Variants in PEBP4 observed in about 807,000 individuals in gnomAD.
PEBP4 encodes phosphatidylethanolamine binding protein 4, also known as phosphatidylethanolamine-binding protein 4.
Under a neutral mutation model 23.9 loss-of-function variants are expected in PEBP4, and 22 were observed. The observed-to-expected ratio is 0.92, with a 90% CI of 0.66 to 1.31. The LOEUF (loss-of-function observed/expected upper bound fraction) is 1.31. PEBP4 is among the 40% of genes most tolerant of loss of function. PEBP4 has a pLI of 0.00. For synonymous variants in PEBP4, 112 were observed against 99.3 expected (o/e 1.13, Z -0.76); for missense variants, 324 against 281.7 (o/e 1.15, Z -1.07).
At chr8:22,803,499 T>C (rs1056741316) in intron 4 of PEBP4, among the ~76,000 whole-genome samples, 1 of 151,922 alleles carries the variant, frequency 6.6e-6, no homozygotes, top group African/African-American at 2.4e-5. Flanking sequence ...GCCCCATCTC[T>C]ACTAAAAATG....
At chr8:22,714,836 C>A (rs1412418466) in intron 6 of PEBP4, among the ~76,000 whole-genome samples, 1 of 152,118 alleles carries the variant, frequency 6.6e-6, no homozygotes, top group Non-Finnish European at 1.5e-5. Context: ...CCAGAGGCTG[C>A]TGACATTTCA....
intron 3 of PEBP4, among the ~76,000 whole-genome samples, chr8:22,916,627 G>A (rs1293902439): frequency 2.0e-5 from 3 of 152,024 alleles, no homozygotes; most frequent in African/African-American, 7.3e-5. Context: ...TCACACTCCA[G>A]GAGATGCTCT....
At chr8:22,928,961 G>C (rs999245611), upstream of PEBP4, among the ~76,000 whole-genome samples, 1 of 152,084 alleles carries the variant, frequency 6.6e-6, no homozygotes, top group Non-Finnish European at 1.5e-5. Context: ...CCCCCTTAGG[G>C]GCTACATATT....
chr8:22,779,284 C>A (rs548330717), intron 4 of PEBP4, among the ~76,000 whole-genome samples: 6 of 152,282 alleles, frequency 3.9e-5, no homozygotes, highest in Admixed American at 3.9e-4. Flanking sequence ...ATGTACCAGG[C>A]ACGGGTGCTC....
intron 3 of PEBP4, among the ~76,000 whole-genome samples, chr8:22,857,427 G>C (rs1053150282): frequency 3.9e-5 from 6 of 152,194 alleles, no homozygotes; most frequent in African/African-American, 1.4e-4. Flanking sequence ...CCAGAGCCAA[G>C]TTCTTGAAGG....
At chr8:22,826,720 TG>T (rs1205260741) in intron 3 of PEBP4, among the ~76,000 whole-genome samples, 1 of 152,214 alleles carries the variant, frequency 6.6e-6, no homozygotes. Context: ...CACATTTGCT[TG>T]TATTTACATA....
At chr8:22,857,842 A>G (rs1044452623) in intron 3 of PEBP4, among the ~76,000 whole-genome samples, 4 of 152,188 alleles carry the variant, frequency 2.6e-5, no homozygotes, top group Non-Finnish European at 4.4e-5. Flanking sequence ...CATGGAGAAG[A>G]ACAGGGGGCA....
chr8:22,883,570 T>C (rs1563248581), intron 3 of PEBP4, among the ~76,000 whole-genome samples: 1 of 151,974 alleles, frequency 6.6e-6, no homozygotes, highest in East Asian at 1.9e-4. Flanking sequence ...GACAGAAAAA[T>C]TTGCTCCTGA....
At chr8:22,864,916 C>G (rs564921229) in intron 3 of PEBP4, among the ~76,000 whole-genome samples, 1 of 152,302 alleles carries the variant, frequency 6.6e-6, no homozygotes, top group East Asian at 1.9e-4. Context: ...GGGCAGGGGA[C>G]CCAGGGCGGG....
chr8:22,899,277 C>T (rs928904232), intron 3 of PEBP4, among the ~76,000 whole-genome samples: 7 of 152,202 alleles, frequency 4.6e-5, no homozygotes, highest in African/African-American at 1.7e-4. Flanking sequence ...GGGCATTTGG[C>T]CATCATTGCC....
chr8:22,735,348 TAGG>T (rs1459986823), intron 4 of PEBP4, among the ~76,000 whole-genome samples: 1 of 152,150 alleles, frequency 6.6e-6, no homozygotes, highest in African/African-American at 2.4e-5. Context: ...GAAGGATATA[TAGG>T]AGTTTTTCAG....
intron 4 of PEBP4, among the ~76,000 whole-genome samples, chr8:22,746,616 C>T (rs985780992): frequency 6.6e-6 from 1 of 151,814 alleles, no homozygotes; most frequent in African/African-American, 2.4e-5. Flanking sequence ...GCCCTCTCCT[C>T]CTCTTCTCCC....
chr8:22,868,392 G>C (rs554437084), intron 3 of PEBP4, among the ~76,000 whole-genome samples: 2 of 152,176 alleles, frequency 1.3e-5, no homozygotes, highest in African/African-American at 4.8e-5. Flanking sequence ...GGGTGTGCCC[G>C]GTGTGTGTGC....
intron 3 of PEBP4, among the ~76,000 whole-genome samples, chr8:22,899,065 G>A (rs1041988923): frequency 7.2e-5 from 11 of 152,220 alleles, no homozygotes; most frequent in East Asian, 1.9e-4. Flanking sequence ...TGAAGCTGGC[G>A]ATCTAGGACC....
At chr8:22,788,061 G>T (rs557280278) in intron 4 of PEBP4, among the ~76,000 whole-genome samples, 2 of 152,008 alleles carry the variant, frequency 1.3e-5, no homozygotes, top group Admixed American at 1.3e-4. Flanking sequence ...AGGGATGCAC[G>T]GGCTCATCCT....
At chr8:22,797,169 G>A (rs867067898) in intron 4 of PEBP4, among the ~76,000 whole-genome samples, 1 of 149,836 alleles carries the variant, frequency 6.7e-6, no homozygotes, top group Non-Finnish European at 1.5e-5. Context: ...CAGAAGAATC[G>A]CTTGACCCAG....
At chr8:22,789,302 G>A (rs779777807) in intron 4 of PEBP4, among the ~76,000 whole-genome samples, 13 of 152,090 alleles carry the variant, frequency 8.5e-5, no homozygotes, top group South Asian at 2.1e-4. Context: ...TTTTAGAAGC[G>A]GAAATCACCC....
At chr8:22,923,383 G>T (rs1423812519) in intron 2 of PEBP4, among the ~76,000 whole-genome samples, 1 of 152,092 alleles carries the variant, frequency 6.6e-6, no homozygotes, top group South Asian at 2.1e-4. Flanking sequence ...CCTGGGCAAC[G>T]TAGTGAGATC....
chr8:22,929,862 G>A (rs1186946002), upstream of PEBP4, among the ~76,000 whole-genome samples: 7 of 152,132 alleles, frequency 4.6e-5, no homozygotes, highest in Non-Finnish European at 1.0e-4. Context: ...GCACACCACG[G>A]CTCTGGCTAA....
Sources: allele counts gnomAD v4.1 joint callset (sites outside exome capture counted in the v4.1 genomes callset), GRCh38; gene constraint gnomAD v4.1.1; transcripts MANE v1.5; gene names NCBI Gene and HGNC (gene_info 2026-07-23, HGNC 2026-07-21).